Variants in RABL6 observed in about 807,000 individuals in gnomAD.
RABL6 encodes the protein RAB, member RAS oncogene family like 6.
A neutral mutation model predicts 72.9 loss-of-function variants in RABL6; 28 were observed. The observed-to-expected ratio is 0.38, with a 90% confidence interval of 0.28 to 0.53. The LOEUF (loss-of-function observed/expected upper bound fraction) is 0.53, where lower values mean the gene tolerates loss of function less well. Among genes scored for constraint, RABL6 ranks in the 20% least tolerant of loss-of-function variants. The pLI is 0.80. For synonymous variants in RABL6, 477 were observed against 421.2 expected, an observed-to-expected ratio of 1.13 and a Z score of -1.62; for missense variants, 1,029 against 1,008.4, an observed-to-expected ratio of 1.02 and a Z score of -0.28.
intron 1 of RABL6, chr9:136,821,325 C>A: frequency 7.1e-6 from 7 of 985,322 alleles, no homozygotes; most frequent in Non-Finnish European, 8.4e-6. Flanking sequence ...GTTGCTAACG[C>A]CCCACTCCCG....
In RABL6 at chr9:136,840,309, T is replaced by G; in HGVS notation, c.1990-13T>G. On this transcript the variant is annotated splice_polypyrimidine_tract_variant and intron_variant, in intron 14 of 14. Coordinates refer to ENST00000311502, the MANE Select transcript of RABL6 (RefSeq NM_024718.5). Reference sequence around the variant, plus strand: ...CCTGTGACTCCATGGCGCCCCATCCTTGTGCTCCTCAGGAAGAAGAAAAAG... The same window carrying G: ...CCTGTGACTCCATGGCGCCCCATCCGTGTGCTCCTCAGGAAGAAGAAAAAG... The G allele has an allele frequency of 1.9e-6, 3 of 1,600,592 alleles. No individual in the cohort carries two copies. Among genetic ancestry groups the G allele is most frequent in the East Asian group, 4.5e-5 (2 of 44,302 alleles).
chr9:136,808,734 A>AG (rs1847931389), intron 1 of RABL6: 1 of 153,030 alleles, frequency 6.5e-6, no homozygotes, highest in Non-Finnish European at 1.5e-5. Flanking sequence ...CACCTGCAGG[A>AG]GGTGCGGGGA....
intron 1 of RABL6, among the ~76,000 whole-genome samples, chr9:136,818,399 A>C (rs1588351415): frequency 3.6e-5 from 1 of 27,702 alleles, no homozygotes; most frequent in South Asian, 1.5e-3. Context: ...AAAAAAAAAA[A>C]AAAAACCAAA....
chr9:136,838,044 C>T (rs1270302897), intron 10 of RABL6, 29 bp downstream of exon 10: 32 of 1,549,370 alleles, frequency 2.1e-5, no homozygotes, highest in Admixed American at 3.9e-5. Flanking sequence ...CCTCCTCTCC[C>T]ATTGCCCCCC....
In RABL6 at chr9:136,837,360, T is replaced by C. The variant is rs926277646; in HGVS notation, c.824T>C (p.Met275Thr). The stretch of plus-strand genomic sequence containing the variant: ...CTGCCTTTCAGCTTCCTGGAGATGA[T>C]GGAGGCTCGCAGCCGTGGCCATGCG... ...DQNYGIFLEM[M>T]EARSRGHASP... Residue 275 changes from methionine (M) to threonine (T), a missense_variant, in exon 9 of 15, where the codon ATG becomes ACG. By Grantham distance (81) the Met-to-Thr change is moderately conservative. Around this residue, in one of 2 missense-constraint regions of RABL6, gnomAD observed 434 missense variants for 536.1 expected, o/e 0.81. Coordinates refer to ENST00000311502, the MANE Select transcript of RABL6 (RefSeq NM_024718.5). 1 of 1,604,446 alleles carries C rather than the reference T, an allele frequency of 6.2e-7. No individual in the cohort carries two copies. Among genetic ancestry groups the C allele is most frequent in the Non-Finnish European group, 8.5e-7 (1 of 1,176,380 alleles).
At chr9:136,838,068 C>T in intron 10 of RABL6, 53 bp downstream of exon 10, 2 of 1,541,712 alleles carry the variant, frequency 1.3e-6, no homozygotes, top group Non-Finnish European at 1.8e-6. Context: ...CTCCAGGGTG[C>T]CCGAGCAGCA....
intron 1 of RABL6, among the ~76,000 whole-genome samples, chr9:136,819,290 C>G (rs945513534): frequency 1.3e-5 from 2 of 149,718 alleles, no homozygotes; most frequent in Admixed American, 6.7e-5. Flanking sequence ...CCACTGCACT[C>G]CAGCCTGGGC....
intron 10 of RABL6, 137 bp from the exon 11 acceptor site, chr9:136,838,772 C>T (rs1848630278): frequency 2.6e-6 from 2 of 766,186 alleles, no homozygotes; most frequent in East Asian, 5.4e-5. Context: ...GGGGCCTCTC[C>T]ACAACACAGC....
chr9:136,837,853 T>G lies in RABL6; in HGVS notation c.1127-9T>G. Reference sequence around the variant, plus strand: ...CCGAGTGAAGAGGACCCGGCATCACTGTTCACAGAGCCAGTCCCGGCCGCA... The same window carrying G: ...CCGAGTGAAGAGGACCCGGCATCACGGTTCACAGAGCCAGTCCCGGCCGCA... On this transcript the variant is annotated splice_polypyrimidine_tract_variant and intron_variant, in intron 9 of 14. Coordinates refer to ENST00000311502, the MANE Select transcript of RABL6 (RefSeq NM_024718.5). 6.5e-7 allele frequency: 1 copy of G among 1,548,406 alleles called. No individual in the cohort carries two copies. The highest frequency in any genetic ancestry group is 1.2e-5 in the South Asian group (1 of 83,994).
At chr9:136,832,628 T>G (rs1848501690) in intron 7 of RABL6, 1 of 513,256 alleles carries the variant, frequency 1.9e-6, no homozygotes, top group African/African-American at 1.9e-5. Flanking sequence ...TCCCCCAGTG[T>G]TTTTGGTTGT....
In RABL6 at chr9:136,835,750, G is replaced by A. The variant is rs1474959926; in HGVS notation, c.714G>A (p.Thr238=). ...NIPFLQLQRE[T]LLRQLETNQL... ...GTGCTCCCTTTCTGCAGAGGGAGAC[G>A]CTGTTGCGGCAGCTGGAGACGAACC... The change falls in exon 8 of 15, where the codon ACG becomes ACA. Residue 238 remains threonine, a synonymous_variant. Transcript: ENST00000311502. 1.8e-5 allele frequency: 28 copies of A among 1,549,428 alleles called. No individual in the cohort carries two copies. The highest frequency in any genetic ancestry group is 9.5e-5 in the South Asian group (8 of 84,008).
At chr9:136,838,512 G>A (rs554794661) in intron 10 of RABL6, among the ~76,000 whole-genome samples, 12 of 152,334 alleles carry the variant, frequency 7.9e-5, no homozygotes, top group African/African-American at 2.6e-4. Context: ...TTGGTCCCAG[G>A]ACAGCCCTGG....
chr9:136,818,810 T>C (rs1483908963), intron 1 of RABL6, among the ~76,000 whole-genome samples: 5 of 151,524 alleles, frequency 3.3e-5, no homozygotes. Context: ...ATGATTTATA[T>C]AGGGTATATA....
rs1309020859 is a variant in RABL6 at position 136,840,069 on chromosome 9, T to G, written c.1931-85T>G. On this transcript the variant is annotated intron_variant, in intron 13 of 14. Transcript: ENST00000311502. The stretch of plus-strand genomic sequence containing the variant: ...TCCTGGAGGGCTGGGGCTCGCTGCT[T>G]TGTGAGTTTCTAGAGAAGTCCTGTC... The G allele has an allele frequency of 4.4e-6, 7 of 1,584,678 alleles. No individual in the cohort carries two copies. In the East Asian group the frequency reaches 1.3e-4, roughly 30 times the overall value.
At chr9:136,834,620 A>C (rs1848550428) in intron 7 of RABL6, 16 of 353,372 alleles carry the variant, frequency 4.5e-5, no homozygotes, top group Non-Finnish European at 5.9e-5. Flanking sequence ...CTGGGATTAC[A>C]GGCGCCTGCC....
At chr9:136,818,756 G>A (rs1848178772) in intron 1 of RABL6, among the ~76,000 whole-genome samples, 1 of 151,714 alleles carries the variant, frequency 6.6e-6, no homozygotes, top group Admixed American at 6.6e-5. Flanking sequence ...AAAAAAAAAG[G>A]AAAGAAAAGG....
rs1564374758 is a variant in RABL6, at chr9:136,840,391, GAGCGGCGACGGCGGCAGC to G, written c.2066_2083del (p.Arg689_Arg694del). 7.7e-6 allele frequency: 12 copies of G among 1,552,276 alleles called. No homozygotes were observed. The highest frequency in any genetic ancestry group is 5.9e-5 in the South Asian group (5 of 84,430). ...CAAGGACAAGGAGGAGGGCAAGGAG[GAGCGGCGACGGCGGCAGC>G]AGCGGCCCCCGCGCAGCAGGGAGAG... On this transcript the variant is annotated inframe_deletion, in exon 15 of 15. Transcript: ENST00000311502.
chr9:136,829,533 G>C, intron 5 of RABL6, 49 bp downstream of exon 5: 1 of 1,481,778 alleles, frequency 6.7e-7, no homozygotes, highest in Non-Finnish European at 9.2e-7. Context: ...CACCCCCCTA[G>C]CCCCTTGGGC....
chr9:136,820,455 T>A (rs1396072471), intron 1 of RABL6, among the ~76,000 whole-genome samples: 1 of 151,018 alleles, frequency 6.6e-6, no homozygotes, highest in African/African-American at 2.4e-5. Flanking sequence ...CACTGCAACC[T>A]CCACCTCCTG....
Sources: gnomAD v4.1 joint callset for allele counts (sites outside exome capture counted in the v4.1 genomes callset) on GRCh38, gnomAD v4.1.1 for gene constraint, gnomAD v4.1.1 regional missense constraint, MANE v1.5 for transcripts, NCBI Gene and HGNC (gene_info 2026-07-23, HGNC 2026-07-21) for gene names.